The following STK11 variants were observed in gnomAD, a reference collection of about 807,000 sequenced individuals.
STK11 encodes the protein serine/threonine kinase 11.
STK11 carries 8 observed loss-of-function variants against 47.3 expected under a neutral mutation model. That is an observed-to-expected ratio of 0.17 (90% confidence interval 0.10 to 0.31). The LOEUF (loss-of-function observed/expected upper bound fraction) is 0.31. Ranked by LOEUF, STK11 falls within the 10% of genes least tolerant of loss-of-function variation. The probability of loss-of-function intolerance (pLI) is 1.00; values close to 1 mark genes in which losing one functional copy is unlikely to be tolerated. For synonymous variants in STK11, 330 were observed against 255.8 expected, an observed-to-expected ratio of 1.29 and a Z score of -2.77; for missense variants, 475 against 605.0, an observed-to-expected ratio of 0.79 and a Z score of 2.25.
rs368466538 is a variant in STK11, at chr19:1,226,570, C to T, written c.1225C>T (p.Arg409Trp). The change falls in exon 9 of 10, where the codon CGG (arginine) becomes TGG (tryptophan). Residue 409 changes from arginine (R) to tryptophan (W), a missense_variant. Arg to Trp is a moderately radical substitution (Grantham distance 101). This residue lies in a region of STK11 where 219 missense variants were observed against 189.2 expected (regional missense o/e 1.16). Transcript: ENST00000326873. The part of the protein sequence containing the change: ...QLSTKSRAEG[R>W]APNPARKACS... ...GAGCACCAAATCCAGGGCGGAGGGC[C>T]GGGCCCCCAACCCTGCCCGCAAGGC... The T allele has an allele frequency of 4.3e-5, 68 of 1,588,088 alleles. No homozygotes were observed. Among genetic ancestry groups the T allele is most frequent in the African/African-American group, 1.6e-4 (12 of 74,318 alleles).
intron 1 of STK11, among the ~76,000 whole-genome samples, chr19:1,213,553 C>T (rs1483143628): frequency 2.0e-5 from 3 of 152,266 alleles, no homozygotes; most frequent in Admixed American, 6.5e-5. Context: ...GCTTGTCTCA[C>T]GGAGTGTGCT....
At position 1,223,072 on chromosome 19, in the gene STK11, T is replaced by C. The variant is rs878853981; in HGVS notation, c.1008T>C (p.Thr336=). 6.2e-7 allele frequency: 1 copy of C among 1,608,232 alleles called. No individual in the cohort carries two copies. Among genetic ancestry groups the C allele is most frequent in the Non-Finnish European group, 8.5e-7 (1 of 1,177,966 alleles). Residue 336 remains threonine, a synonymous_variant, in exon 8 of 10, where the codon ACT becomes ACC. Coordinates refer to ENST00000326873, the MANE Select transcript of STK11 (RefSeq NM_000455.5). Reference sequence around the variant, plus strand: ...CCAAGGACCGGTGGCGCAGCATGACTGTGGTGCCGTACTTGGAGGACCTGC... The same window carrying C: ...CCAAGGACCGGTGGCGCAGCATGACCGTGGTGCCGTACTTGGAGGACCTGC... ...PDTKDRWRSM[T]VVPYLEDLHG...
chr19:1,208,991 T>C lies in STK11; in HGVS notation c.290+1788T>C, dbSNP rs184372048. Reference sequence around the variant, plus strand: ...GGGGCACAGGCTCTGAAGTTTGTACTCTGGAGCTGGAGCAGTCAGGGTTAA... The same window carrying C: ...GGGGCACAGGCTCTGAAGTTTGTACCCTGGAGCTGGAGCAGTCAGGGTTAA... On this transcript the variant is annotated intron_variant, in intron 1 of 9. Transcript: ENST00000326873. Among the ~76,000 whole-genome samples the C allele has an allele frequency of 2.6e-5, 4 of 152,230 alleles. No individual in the cohort carries two copies. The East Asian group carries it at 7.7e-4, about 29-fold the overall frequency.
intron 6 of STK11, 51 bp from the exon 7 acceptor site, chr19:1,221,898 G>A (rs1462427806): frequency 1.3e-6 from 2 of 1,545,886 alleles, no homozygotes; most frequent in East Asian, 4.9e-5. Context: ...ACGGTTGGTG[G>A]GGTCTCAGGC....
intron 1 of STK11, among the ~76,000 whole-genome samples, chr19:1,217,553 C>T (rs949536254): frequency 3.3e-5 from 5 of 151,948 alleles, no homozygotes; most frequent in African/African-American, 7.3e-5. Flanking sequence ...TTGTGACAGG[C>T]AGGTGGGCGT....
At chr19:1,218,370 A>C in intron 1 of STK11, 47 bp from the exon 2 acceptor site, 1 of 1,521,178 alleles carries the variant, frequency 6.6e-7, no homozygotes, top group Non-Finnish European at 9.1e-7. Flanking sequence ...CCAGGCCATC[A>C]TCCTGACGTT....
chr19:1,223,511 TA>T, intron 8 of STK11: 1 of 916,520 alleles, frequency 1.1e-6, no homozygotes, highest in South Asian at 2.8e-5. Context: ...CGGGGGAGGG[TA>T]GGTGAGAGTC....
At chr19:1,209,853 G>A (rs768486653) in intron 1 of STK11, among the ~76,000 whole-genome samples, 1 of 152,122 alleles carries the variant, frequency 6.6e-6, no homozygotes, top group Non-Finnish European at 1.5e-5. Flanking sequence ...CTGGGAGAAC[G>A]GGAGGGAACA....
intron 1 of STK11, among the ~76,000 whole-genome samples, chr19:1,215,881 C>T (rs1225601464): frequency 6.6e-6 from 1 of 152,040 alleles, no homozygotes; most frequent in Non-Finnish European, 1.5e-5. Context: ...GGATTACAGG[C>T]GCCCATCACC....
chr19:1,207,362 G>T lies in STK11; in HGVS notation c.290+159G>T, dbSNP rs146412237. Reference sequence around the variant, plus strand: ...TGTCCTCCGTGCCAGGGAGAGCGTGGTTGGGGGCCTGCGTTACGGACTTTC... The same window carrying T: ...TGTCCTCCGTGCCAGGGAGAGCGTGTTTGGGGGCCTGCGTTACGGACTTTC... On this transcript the variant is annotated intron_variant, in intron 1 of 9. Coordinates refer to ENST00000326873, the MANE Select transcript of STK11 (RefSeq NM_000455.5). Among the ~76,000 whole-genome samples the T allele has an allele frequency of 3.0e-3, 450 of 152,304 alleles. 2 individuals carry two copies. The highest frequency in any genetic ancestry group is 4.6e-3 in the Admixed American group (71 of 15,294).
chr19:1,222,188 G>C (rs530601209), intron 7 of STK11, among the ~76,000 whole-genome samples, 182 bp downstream of exon 7: 1 of 152,220 alleles, frequency 6.6e-6, no homozygotes, highest in African/African-American at 2.4e-5. Flanking sequence ...TCCTGTTACC[G>C]GCCAGACCCA....
chr19:1,206,848 A>C lies in STK11; in HGVS notation c.-66A>C, dbSNP rs994104244. ...AATTTTGGAGAAGGGAAGTCGGAAC[A>C]CAAGGAAGGACCGCTCACCCGCGGA... On this transcript the variant is annotated 5_prime_UTR_variant, in exon 1 of 10. Transcript: ENST00000326873. 2 of 1,486,800 alleles carry C rather than the reference A, an allele frequency of 1.3e-6. No homozygotes were observed. The highest frequency in any genetic ancestry group is 2.6e-5 in the South Asian group (2 of 77,276). The allele number at this position is 1,486,800 out of a possible 1,614,324, so 92.1% of individuals were successfully genotyped here.
chr19:1,218,060 C>G (rs2080755916), intron 1 of STK11, among the ~76,000 whole-genome samples: 2 of 152,070 alleles, frequency 1.3e-5, no homozygotes, highest in Admixed American at 1.3e-4. Flanking sequence ...AGGGAAATCA[C>G]TTGAACCTGG....
In STK11 at chr19:1,220,394, C is replaced by A; in HGVS notation, c.486C>A (p.Asp162Glu). Residue 162 changes from aspartate to glutamate, a missense_variant, in exon 4 of 10, where the codon GAC becomes GAA. Around this residue, in one of 5 missense-constraint regions of STK11, gnomAD observed 130 missense variants for 239.7 expected, o/e 0.54. Coordinates refer to ENST00000326873, the MANE Select transcript of STK11 (RefSeq NM_000455.5). The part of the protein sequence containing the change: ...QAHGYFCQLI[D>E]GLEYLHSQGI... ...GCAGGTACTTCTGTCAGCTGATTGA[C>A]GGCCTGGAGTACCTGCATAGCCAGG... The A allele has an allele frequency of 6.2e-7, 1 of 1,603,328 alleles. No individual in the cohort carries two copies. Among genetic ancestry groups the A allele is most frequent in the Non-Finnish European group, 8.5e-7 (1 of 1,175,460 alleles).
At chr19:1,219,450 G>T (rs2080766924) in intron 3 of STK11, 37 bp downstream of exon 3, 2 of 1,542,976 alleles carry the variant, frequency 1.3e-6, no homozygotes, top group East Asian at 2.4e-5. Context: ...TGGGGCGGGG[G>T]CCGGGGGCCA....
Position 1,207,087 on chromosome 19 carries a change from C to G in STK11, c.174C>G (p.Gly58=), listed in dbSNP as rs756661578. The G allele has an allele frequency of 6.2e-7, 1 of 1,613,908 alleles. No individual in the cohort carries two copies. The highest frequency in any genetic ancestry group is 8.5e-7 in the Non-Finnish European group (1 of 1,179,862). Residue 58 remains glycine, a synonymous_variant, in exon 1 of 10, where the codon GGC becomes GGG. Transcript: ENST00000326873. The part of the protein sequence containing the change: ...KYLMGDLLGE[G]SYGKVKEVLD... ...TGATGGGGGACCTGCTGGGGGAAGGCTCTTACGGCAAGGTGAAGGAGGTGC... is the reference window on the plus strand; with the variant it reads ...TGATGGGGGACCTGCTGGGGGAAGGGTCTTACGGCAAGGTGAAGGAGGTGC...
intron 8 of STK11, chr19:1,225,910 G>T: frequency 1.0e-6 from 1 of 990,870 alleles, no homozygotes; most frequent in Non-Finnish European, 1.2e-6. Context: ...TCACCAGGGT[G>T]CTGGTGATGG....
chr19:1,215,721 G>T (rs1244867291), intron 1 of STK11, among the ~76,000 whole-genome samples: 1 of 152,090 alleles, frequency 6.6e-6, no homozygotes, highest in African/African-American at 2.4e-5. Context: ...AGGCTGGGTC[G>T]TGGGATACCC....
chr19:1,220,548 G>A (rs2145424877), intron 4 of STK11, 33 bp from the exon 5 acceptor site: 1 of 1,577,768 alleles, frequency 6.3e-7, no homozygotes, highest in South Asian at 1.1e-5. Flanking sequence ...CCCCTCCCGG[G>A]CACTCCCTGA....
Sources: allele counts gnomAD v4.1 joint callset (sites outside exome capture counted in the v4.1 genomes callset), GRCh38; gene constraint gnomAD v4.1.1; regional missense constraint gnomAD v4.1.1; transcripts MANE v1.5; gene names NCBI Gene and HGNC (gene_info 2026-07-23, HGNC 2026-07-21).